MGAT5: variants seen among roughly 807,000 people sequenced by gnomAD.
MGAT5 encodes the protein alpha-1,6-mannosylglycoprotein 6-beta-N-acetylglucosaminyltransferase A.
MGAT5 carries 30 observed loss-of-function variants against 94.3 expected under a neutral mutation model. The ratio of observed to expected loss-of-function variants is 0.32; its 90% CI spans 0.24 to 0.43. The LOEUF is 0.43. MGAT5 is among the 20% of genes least tolerant of loss of function. The pLI is 1.00. For missense variants in MGAT5, 691 were observed against 905.5 expected (o/e 0.76, Z 3.04); for synonymous variants, 310 against 322.9 (o/e 0.96, Z 0.43).
At chr2:134,213,837 C>T (rs34556312) in intron 1 of MGAT5, among the ~76,000 whole-genome samples, 13,367 of 145,752 alleles carry the variant, frequency 0.092, 951 homozygotes, top group East Asian at 0.32. Context: ...ACCTTCTTGG[C>T]GCATGGTTGT....
intron 1 of MGAT5, among the ~76,000 whole-genome samples, chr2:134,174,784 A>G (rs1688380813): frequency 6.6e-6 from 1 of 152,228 alleles, no homozygotes; most frequent in South Asian, 2.1e-4. Flanking sequence ...GCTGGGGTGC[A>G]TAGCTTGCCT....
chr2:134,219,448 G>C (rs1410698508), intron 1 of MGAT5, among the ~76,000 whole-genome samples: 1 of 152,160 alleles, frequency 6.6e-6, no homozygotes, highest in East Asian at 1.9e-4. Context: ...CTCCCATGCC[G>C]GTGACTCATC....
chr2:134,399,597 T>C (rs1172508865), intron 10 of MGAT5, among the ~76,000 whole-genome samples: 4 of 152,142 alleles, frequency 2.6e-5, no homozygotes, highest in Non-Finnish European at 5.9e-5. Flanking sequence ...GCGACAGAGG[T>C]GGTTGCATGC....
chr2:134,193,154 G>A (rs1385676128), intron 1 of MGAT5, among the ~76,000 whole-genome samples: 2 of 147,602 alleles, frequency 1.4e-5, no homozygotes, highest in Non-Finnish European at 3.0e-5. Flanking sequence ...ACAAGGTCTC[G>A]CTATGTTACC....
chr2:134,393,517 A>G (rs1303470422), intron 10 of MGAT5, among the ~76,000 whole-genome samples: 1 of 152,274 alleles, frequency 6.6e-6, no homozygotes, highest in Non-Finnish European at 1.5e-5. Flanking sequence ...ACATTAAATT[A>G]TGTCTTATTT....
chr2:134,132,318 G>A (rs1219552014), intron 1 of MGAT5, among the ~76,000 whole-genome samples: 1 of 152,026 alleles, frequency 6.6e-6, no homozygotes, highest in Non-Finnish European at 1.5e-5. Context: ...TTCTGAAACT[G>A]TTTATCTTGT....
At chr2:134,402,958 G>T in intron 10 of MGAT5, 30 bp from the exon 11 acceptor site, 1 of 1,561,436 alleles carries the variant, frequency 6.4e-7, no homozygotes, top group South Asian at 1.2e-5. Flanking sequence ...AAGAAAAAGA[G>T]AAATGTCTTG....
intron 1 of MGAT5, among the ~76,000 whole-genome samples, chr2:134,147,648 G>A (rs1378183683): frequency 6.6e-6 from 1 of 151,040 alleles, no homozygotes; most frequent in Non-Finnish European, 1.5e-5. Flanking sequence ...ATGGAAATTA[G>A]CATGTGATTG....
intron 1 of MGAT5, among the ~76,000 whole-genome samples, chr2:134,128,599 C>T (rs1685969788): frequency 6.6e-6 from 1 of 152,006 alleles, no homozygotes; most frequent in African/African-American, 2.4e-5. Context: ...TTCTCTGTCA[C>T]CCAGGCTAGA....
chr2:134,148,028 T>C (rs1461416589), intron 1 of MGAT5, among the ~76,000 whole-genome samples: 1 of 152,268 alleles, frequency 6.6e-6, no homozygotes, highest in African/African-American at 2.4e-5. Flanking sequence ...TTTTAGATCT[T>C]GTTACTTGGT....
chr2:134,161,052 G>A (rs1369054301), intron 1 of MGAT5, among the ~76,000 whole-genome samples: 2 of 152,260 alleles, frequency 1.3e-5, no homozygotes, highest in East Asian at 3.8e-4. Context: ...GCTGAAGGTG[G>A]TGGAAGGAGG....
chr2:134,315,008 A>G (rs1686915986), intron 2 of MGAT5, among the ~76,000 whole-genome samples: 1 of 152,158 alleles, frequency 6.6e-6, no homozygotes, highest in Admixed American at 6.5e-5. Context: ...CAGAGCCTTA[A>G]ATATTTACTC....
chr2:134,289,807 G>A (rs1441384293), intron 2 of MGAT5, among the ~76,000 whole-genome samples: 1 of 152,212 alleles, frequency 6.6e-6, no homozygotes, highest in Admixed American at 6.5e-5. Flanking sequence ...TGTCGTCACA[G>A]CTCGTTGCTG....
intron 1 of MGAT5, among the ~76,000 whole-genome samples, chr2:134,178,755 T>C (rs1012965644): frequency 6.6e-6 from 1 of 152,204 alleles, no homozygotes; most frequent in Non-Finnish European, 1.5e-5. Flanking sequence ...CCACATTCCT[T>C]TGTGGCTTTG....
chr2:134,279,299 A>T (rs945835313), intron 2 of MGAT5, among the ~76,000 whole-genome samples: 3 of 152,018 alleles, frequency 2.0e-5, no homozygotes, highest in Admixed American at 1.3e-4. Flanking sequence ...AATTGTTAAG[A>T]CCGGAAGAGC....
At chr2:134,447,746 T>C (rs1301329691) in intron 15 of MGAT5, among the ~76,000 whole-genome samples, 1 of 152,204 alleles carries the variant, frequency 6.6e-6, no homozygotes, top group Non-Finnish European at 1.5e-5. Context: ...CTGTTGGGAA[T>C]GGAAACATCA....
At chr2:134,437,917 A>C (rs575951058) in intron 14 of MGAT5, among the ~76,000 whole-genome samples, 18 of 151,952 alleles carry the variant, frequency 1.2e-4, no homozygotes, top group Middle Eastern at 3.4e-3. Context: ...CAGGAGACTG[A>C]GGCAGGAGAA....
At chr2:134,190,961 A>C (rs562745506) in intron 1 of MGAT5, among the ~76,000 whole-genome samples, 89 of 151,722 alleles carry the variant, frequency 5.9e-4, no homozygotes, top group Non-Finnish European at 9.4e-4. Flanking sequence ...CTATTTAAAA[A>C]AATTTTTTTA....
At chr2:134,353,693 T>C (rs1232960203) in intron 9 of MGAT5, among the ~76,000 whole-genome samples, 4 of 152,168 alleles carry the variant, frequency 2.6e-5, no homozygotes, top group Non-Finnish European at 5.9e-5. Context: ...AAATGAGCGT[T>C]ATAAAACTCC....
Sources: allele counts gnomAD v4.1 joint callset (sites outside exome capture counted in the v4.1 genomes callset), GRCh38; gene constraint gnomAD v4.1.1; transcripts MANE v1.5; gene names NCBI Gene and HGNC (gene_info 2026-07-23, HGNC 2026-07-21).